Variants in TRPM8 observed in about 807,000 individuals in gnomAD.
TRPM8 encodes the protein TRPM8 cationic channel.
Under a neutral mutation model 133.7 loss-of-function variants are expected in TRPM8, and 110 were observed. The ratio of observed to expected loss-of-function variants is 0.82; its 90% CI spans 0.70 to 0.96. TRPM8 has a LOEUF of 0.96. TRPM8 is among the 40% of genes least tolerant of loss of function. TRPM8 has a pLI of 0.00. For missense variants in TRPM8, 1,291 were observed against 1,379.5 expected, an observed-to-expected ratio of 0.94 and a Z score of 1.02; for synonymous variants, 535 against 532.3, an observed-to-expected ratio of 1.01 and a Z score of -0.07.
intron 23 of TRPM8, 47 bp downstream of exon 23, chr2:234,006,999 A>T (rs1692711573): frequency 6.9e-7 from 1 of 1,444,756 alleles, no homozygotes; most frequent in Non-Finnish European, 9.7e-7. Context: ...CTCTGTAGAC[A>T]TAAGCCCATA....
intron 3 of TRPM8, among the ~76,000 whole-genome samples, chr2:233,933,250 C>T (rs1452789390): frequency 6.6e-6 from 1 of 152,148 alleles, no homozygotes; most frequent in Admixed American, 6.6e-5. Flanking sequence ...TGGAAATATT[C>T]TATGTCCGCA....
At chr2:234,000,523 T>G (rs1203089535) in intron 22 of TRPM8, among the ~76,000 whole-genome samples, 2 of 152,170 alleles carry the variant, frequency 1.3e-5, no homozygotes, top group Non-Finnish European at 2.9e-5. Flanking sequence ...CTTGTTACAG[T>G]CAGGGAGGAA....
intron 24 of TRPM8, among the ~76,000 whole-genome samples, chr2:234,010,058 T>C (rs1013395265): frequency 1.3e-5 from 2 of 152,210 alleles, no homozygotes; most frequent in African/African-American, 2.4e-5. Context: ...ATTGTCACCA[T>C]GCTGTACAGT....
At chr2:233,921,410 G>A (rs949169705) in intron 1 of TRPM8, among the ~76,000 whole-genome samples, 2 of 152,122 alleles carry the variant, frequency 1.3e-5, no homozygotes, top group Admixed American at 1.3e-4. Flanking sequence ...GTTTATGGAT[G>A]CCTTGAAGCT....
intron 7 of TRPM8, among the ~76,000 whole-genome samples, chr2:233,946,692 A>G (rs773347374): frequency 1.2e-4 from 18 of 152,254 alleles, no homozygotes; most frequent in Admixed American, 5.9e-4. Flanking sequence ...AGAAGAAACT[A>G]TATATGCAAT....
At position 233,927,709 on chromosome 2, in the gene TRPM8, T is replaced by C. The variant is rs573457869; in HGVS notation, c.117+1055T>C. 4.1e-3 allele frequency among the ~76,000 whole-genome samples: 56 copies of C among 13,496 alleles called. 1 individual carries two copies. The highest frequency in any genetic ancestry group is 0.033 in the Middle Eastern group (1 of 30). The allele number at this position is 13,496 out of a possible 152,430, so 8.9% of individuals were successfully genotyped here. A position where few individuals can be genotyped will look rare whatever the true frequency, so the allele number is the denominator to read the frequency against. On this transcript the variant is annotated intron_variant, in intron 2 of 25. Transcript: ENST00000324695. The stretch of plus-strand genomic sequence containing the variant: ...AGAGCCCTGGAAGACAGAGTCTGTC[T>C]CTTTCTTTCTTTCTTTCTTTCTTTC...
At chr2:233,980,320 A>G (rs753285090) in intron 18 of TRPM8, 41 bp downstream of exon 18, 2 of 1,389,426 alleles carry the variant, frequency 1.4e-6, no homozygotes, top group South Asian at 2.5e-5. Context: ...CTGTGTTTTG[A>G]CTACAAAAGT....
At chr2:233,948,674 G>A (rs1421664035) in intron 8 of TRPM8, among the ~76,000 whole-genome samples, 6 of 152,290 alleles carry the variant, frequency 3.9e-5, no homozygotes, top group South Asian at 2.1e-4. Flanking sequence ...TTCCACTGCC[G>A]TCTGCTCAGC....
At position 233,955,133 on chromosome 2, in the gene TRPM8, C is replaced by T. The variant is rs1691259778; in HGVS notation, c.1245C>T (p.Ala415=). The T allele has an allele frequency of 6.2e-7, 1 of 1,612,864 alleles. No individual in the cohort carries two copies. The highest frequency in any genetic ancestry group is 8.5e-7 in the Non-Finnish European group (1 of 1,178,950). ...GAGTCTTTTCCTGCCCTCTCACAGC[C>T]TTCAGCACCAGTGAGCAAGACAAGG... ...SNAISYALYK[A]FSTSEQDKDN... The change falls in exon 11 of 26, where the codon GCC becomes GCT. Residue 415 remains alanine (A), a splice_region_variant and synonymous_variant. Coordinates refer to ENST00000324695, the MANE Select transcript of TRPM8 (RefSeq NM_024080.5).
chr2:233,927,843 CCTTCCTTCCTT>C lies in TRPM8; in HGVS notation c.117+1190_117+1200del, dbSNP rs1559516383. On this transcript the variant is annotated intron_variant, in intron 2 of 25. Transcript: ENST00000324695. ...TCCTTCCTTCCTTCCTTCCTTCCTTCCTTCCTTCCTTTCTTTCTCTTTCTTTCTTTCTTTCT... is the reference window on the plus strand; with the variant it reads ...TCCTTCCTTCCTTCCTTCCTTCCTTCTCTTTCTCTTTCTTTCTTTCTTTCT... 1.5e-3 allele frequency among the ~76,000 whole-genome samples: 87 copies of C among 56,362 alleles called. 3 individuals carry two copies. Among genetic ancestry groups the C allele is most frequent in the Middle Eastern group, 7.4e-3 (1 of 136 alleles). The allele number at this position is 56,362 out of a possible 152,430, so 37.0% of individuals were successfully genotyped here.
intron 22 of TRPM8, among the ~76,000 whole-genome samples, chr2:233,996,813 T>C (rs1392474127): frequency 6.6e-6 from 1 of 152,226 alleles, no homozygotes. Context: ...CATGGGATAG[T>C]GTCCAATCAT....
chr2:233,927,499 G>A lies in TRPM8; in HGVS notation c.117+845G>A, dbSNP rs1027388294. On this transcript the variant is annotated intron_variant, in intron 2 of 25. Coordinates refer to ENST00000324695, the MANE Select transcript of TRPM8 (RefSeq NM_024080.5). ...GCCCCTGCACTTGCATGCCTTGGGG[G>A]ACTGAGCACCTCCTTGCACTTGCTC... 2.6e-5 allele frequency among the ~76,000 whole-genome samples: 4 copies of A among 152,286 alleles called. No individual in the cohort carries two copies. The South Asian group carries it at 8.3e-4, about 32-fold the overall frequency.
chr2:233,977,563 A>G (rs1411265909), intron 17 of TRPM8, among the ~76,000 whole-genome samples: 6 of 152,114 alleles, frequency 3.9e-5, no homozygotes, highest in Non-Finnish European at 7.4e-5. Context: ...GGCCTTTCCC[A>G]ATCCCCCTTA....
Position 233,994,652 on chromosome 2 carries a change from T to G in TRPM8, c.2940-1674T>G, listed in dbSNP as rs534610644. On this transcript the variant is annotated intron_variant, in intron 21 of 25. Transcript: ENST00000324695. The stretch of plus-strand genomic sequence containing the variant: ...AAACTTTAAGCAAAGCCAATAACCA[T>G]TGTCTGTGTTGGTCAGTGTTTTGCG... 4.6e-5 allele frequency among the ~76,000 whole-genome samples: 7 copies of G among 152,302 alleles called. No homozygotes were observed. In the South Asian group the frequency reaches 1.5e-3, roughly 32 times the overall value.
At chr2:233,965,327 T>C (rs945352434) in intron 14 of TRPM8, among the ~76,000 whole-genome samples, 31 of 152,288 alleles carry the variant, frequency 2.0e-4, no homozygotes, top group African/African-American at 7.0e-4. Flanking sequence ...GCTGAGCTTC[T>C]ATCAGGGCTG....
intron 25 of TRPM8, 64 bp downstream of exon 25, chr2:234,014,718 G>A (rs28948677): frequency 0.15 from 87,729 of 582,264 alleles, 7,165 homozygotes; most frequent in Admixed American, 0.22. Context: ...ACTAATTTAA[G>A]ATCATGATTT....
intron 8 of TRPM8, 138 bp downstream of exon 8, chr2:233,947,293 C>T (rs771204163): frequency 1.3e-6 from 2 of 1,549,408 alleles, no homozygotes; most frequent in Non-Finnish European, 8.7e-7. Context: ...CCTCCACATA[C>T]TGTTCCCCTA....
At chr2:233,996,586 G>T in intron 22 of TRPM8, 70 bp downstream of exon 22, 1 of 1,367,426 alleles carries the variant, frequency 7.3e-7, no homozygotes, top group Non-Finnish European at 1.0e-6. Context: ...TGCCTGGTGT[G>T]TATCTCAACA....
chr2:233,973,182 C>T (rs1159973670), intron 17 of TRPM8, among the ~76,000 whole-genome samples: 1 of 152,196 alleles, frequency 6.6e-6, no homozygotes, highest in Non-Finnish European at 1.5e-5. Flanking sequence ...CATGCACTGC[C>T]CTGGGAAGTC....
Sources: allele counts gnomAD v4.1 joint callset (sites outside exome capture counted in the v4.1 genomes callset), GRCh38; gene constraint gnomAD v4.1.1; transcripts MANE v1.5; gene names NCBI Gene and HGNC (gene_info 2026-07-23, HGNC 2026-07-21).